The following CSMD1 variants were observed in gnomAD, a reference collection of about 807,000 sequenced individuals.
CSMD1 encodes the protein CUB and sushi domain-containing protein 1.
A neutral mutation model predicts 417.5 loss-of-function variants in CSMD1; 213 were observed. That is an observed-to-expected ratio of 0.51 (90% CI 0.46 to 0.57). The LOEUF (loss-of-function observed/expected upper bound fraction) is 0.57, where lower values mean the gene tolerates loss of function less well. Among genes scored for constraint, CSMD1 ranks in the 20% least tolerant of loss-of-function variants. The pLI is 0.00. For synonymous variants in CSMD1, 2,862 were observed against 1,736.8 expected, an observed-to-expected ratio of 1.65 and a Z score of -16.11; for missense variants, 6,923 against 4,529.7, an observed-to-expected ratio of 1.53 and a Z score of -15.17.
intron 38 of CSMD1, 57 bp from the exon 39 acceptor site, chr8:3,158,023 T>A: frequency 7.3e-7 from 1 of 1,361,140 alleles, no homozygotes; most frequent in South Asian, 1.3e-5. Context: ...TATTTAAGGA[T>A]TAAATGTTTG....
chr8:3,322,535 C>A (rs1340058202), intron 23 of CSMD1, among the ~76,000 whole-genome samples: 1 of 152,210 alleles, frequency 6.6e-6, no homozygotes, highest in Non-Finnish European at 1.5e-5. Context: ...CATGCACATA[C>A]ATAACTACCT....
intron 3 of CSMD1, among the ~76,000 whole-genome samples, chr8:4,373,560 C>G (rs1300504921): frequency 6.6e-6 from 1 of 152,182 alleles, no homozygotes; most frequent in Admixed American, 6.5e-5. Flanking sequence ...GTACTCAACT[C>G]TTATCATTTA....
intron 12 of CSMD1, among the ~76,000 whole-genome samples, chr8:3,454,341 T>C (rs112243078): frequency 6.6e-6 from 1 of 152,230 alleles, no homozygotes; most frequent in African/African-American, 2.4e-5. Context: ...ATGTGTGAAT[T>C]TGATTCAGTT....
At position 3,795,347 on chromosome 8, in the gene CSMD1, GATAT is replaced by G. The variant is rs1277286607; in HGVS notation, c.819-41309_819-41306del. ...TATAGATATCTATCATGTAGATATA[GATAT>G]ATATCTATCATGTATATAGATATAT... On this transcript the variant is annotated intron_variant, in intron 5 of 69. Coordinates refer to ENST00000635120, the MANE Select transcript of CSMD1 (RefSeq NM_033225.6). Among the ~76,000 whole-genome samples the G allele has an allele frequency of 5.1e-4, 23 of 45,142 alleles. 10 individuals are homozygous for G. In the East Asian group the frequency reaches 0.011, roughly 21 times the overall value. 29.6% of individuals were successfully genotyped at this position (45,142 alleles called of 152,430 possible).
intron 8 of CSMD1, among the ~76,000 whole-genome samples, chr8:3,608,712 C>T (rs538765141): frequency 5.4e-5 from 8 of 148,874 alleles, no homozygotes; most frequent in East Asian, 2.0e-4. Flanking sequence ...TGCAGTAAGC[C>T]GACATCATGC....
intron 2 of CSMD1, among the ~76,000 whole-genome samples, chr8:4,594,212 T>C (rs1275294111): frequency 2.0e-5 from 3 of 147,334 alleles, no homozygotes; most frequent in Non-Finnish European, 4.5e-5. Flanking sequence ...TTTTTTTTTT[T>C]TTTTTCTCTG....
At chr8:4,855,144 G>C (rs1259231817) in intron 1 of CSMD1, among the ~76,000 whole-genome samples, 1 of 151,262 alleles carries the variant, frequency 6.6e-6, no homozygotes, top group African/African-American at 2.4e-5. Flanking sequence ...GCACCCCCCA[G>C]CAGGGGCACA....
intron 3 of CSMD1, among the ~76,000 whole-genome samples, chr8:4,261,697 A>G (rs1361856032): frequency 3.9e-5 from 6 of 152,148 alleles, no homozygotes; most frequent in African/African-American, 1.4e-4. Flanking sequence ...GGCATGAGTC[A>G]CCTCTTCTGG....
chr8:3,936,984 A>C lies in CSMD1; in HGVS notation c.818+60919T>G, dbSNP rs574627118. On this transcript the variant is annotated intron_variant, in intron 5 of 69. Coordinates refer to ENST00000635120, the MANE Select transcript of CSMD1 (RefSeq NM_033225.6). Reference sequence around the variant, plus strand: ...CAGGAGTTTAAAAGAAGTTGATTTCAATCCTCGTGAATGACTTTGTTGGGT... The same window carrying C: ...CAGGAGTTTAAAAGAAGTTGATTTCCATCCTCGTGAATGACTTTGTTGGGT... Among the ~76,000 whole-genome samples, 3 of 152,272 alleles carry C rather than the reference A, an allele frequency of 2.0e-5. No individual in the cohort carries two copies. The South Asian group carries it at 6.2e-4, about 32-fold the overall frequency.
At position 3,307,962 on chromosome 8, in the gene CSMD1, G is replaced by A. The variant is rs140707364; in HGVS notation, c.3824-141C>T. ...TCACCATCATCTCTCTCTCCTGACCGTTTCAATATTTCTTCCAAATCATTA... is the reference window on the plus strand; with the variant it reads ...TCACCATCATCTCTCTCTCCTGACCATTTCAATATTTCTTCCAAATCATTA... On this transcript the variant is annotated intron_variant, in intron 24 of 69. Transcript: ENST00000635120. The A allele has an allele frequency of 5.1e-4, 472 of 930,728 alleles. 4 individuals are homozygous for A. The South Asian group carries it at 7.3e-3, about 14-fold the overall frequency. The allele number at this position is 930,728 out of a possible 1,614,324, so 57.7% of individuals were successfully genotyped here.
intron 3 of CSMD1, among the ~76,000 whole-genome samples, chr8:4,252,077 G>C (rs1410339151): frequency 1.3e-5 from 2 of 152,152 alleles, no homozygotes; most frequent in Non-Finnish European, 2.9e-5. Flanking sequence ...AAATTAAACT[G>C]AAACTGATGA....
At chr8:3,082,900 C>A (rs1001821563) in intron 49 of CSMD1, among the ~76,000 whole-genome samples, 7 of 152,128 alleles carry the variant, frequency 4.6e-5, no homozygotes, top group African/African-American at 1.7e-4. Flanking sequence ...ATTCTCATGT[C>A]CCAGCTTTAT....
chr8:3,983,140 T>C (rs893389822), intron 5 of CSMD1, among the ~76,000 whole-genome samples: 1 of 148,290 alleles, frequency 6.7e-6, no homozygotes, highest in Non-Finnish European at 1.5e-5. Flanking sequence ...TCTTTCTTTT[T>C]TTTTTTTTGA....
intron 12 of CSMD1, among the ~76,000 whole-genome samples, chr8:3,442,338 G>A (rs1343691140): frequency 6.6e-6 from 1 of 152,050 alleles, no homozygotes; most frequent in Admixed American, 6.6e-5. Flanking sequence ...TAATGTCCTA[G>A]GCCTTCAATT....
intron 2 of CSMD1, among the ~76,000 whole-genome samples, chr8:4,445,920 C>G (rs1211522427): frequency 6.6e-6 from 1 of 152,148 alleles, no homozygotes; most frequent in Admixed American, 6.5e-5. Context: ...TGACCTGGGC[C>G]TTTCAGCTGG....
At chr8:3,105,728 A>G (rs1816091177) in intron 46 of CSMD1, among the ~76,000 whole-genome samples, 1 of 152,248 alleles carries the variant, frequency 6.6e-6, no homozygotes, top group African/African-American at 2.4e-5. Flanking sequence ...CCAGCTAATT[A>G]TATGCATGCT....
intron 3 of CSMD1, among the ~76,000 whole-genome samples, chr8:4,411,943 T>G (rs1462896987): frequency 6.6e-6 from 1 of 152,194 alleles, no homozygotes; most frequent in Admixed American, 6.5e-5. Context: ...TTAATAGTAC[T>G]AGAACTTACG....
intron 3 of CSMD1, among the ~76,000 whole-genome samples, chr8:4,040,953 A>T (rs1466224792): frequency 6.7e-6 from 1 of 150,036 alleles, no homozygotes; most frequent in African/African-American, 2.5e-5. Context: ...ATGGTCTTAC[A>T]TTTTGACTTC....
At chr8:4,003,301 G>T (rs1226133720) in intron 4 of CSMD1, among the ~76,000 whole-genome samples, 1 of 152,082 alleles carries the variant, frequency 6.6e-6, no homozygotes, top group Non-Finnish European at 1.5e-5. Flanking sequence ...GCTGAGGCAG[G>T]AGAATGGTGT....
Sources: allele counts gnomAD v4.1 joint callset (sites outside exome capture counted in the v4.1 genomes callset), GRCh38; gene constraint gnomAD v4.1.1; transcripts MANE v1.5; gene names NCBI Gene and HGNC (gene_info 2026-07-23, HGNC 2026-07-21).